The following ATP2C2 variants were observed in gnomAD, a reference collection of about 807,000 sequenced individuals.
ATP2C2 encodes ATPase secretory pathway Ca2+ transporting 2, also known as calcium-transporting ATPase type 2C member 2.
ATP2C2 carries 171 observed loss-of-function variants against 110.8 expected under a neutral mutation model. That is an observed-to-expected ratio of 1.54 (90% CI 1.36 to 1.75). ATP2C2 has a LOEUF of 1.75. Ranked by LOEUF, ATP2C2 falls within the 40% of genes most tolerant of loss-of-function variation. ATP2C2 has a pLI of 0.00. For synonymous variants in ATP2C2, 804 were observed against 508.4 expected (o/e 1.58, Z -7.82); for missense variants, 1,963 against 1,235.0 (o/e 1.59, Z -8.84).
intron 3 of ATP2C2, among the ~76,000 whole-genome samples, chr16:84,406,381 T>G (rs1433090436): frequency 6.6e-6 from 1 of 152,214 alleles, no homozygotes. Flanking sequence ...TAGATCCCCT[T>G]TTCCAGCCTT....
At chr16:84,446,288 T>C in intron 15 of ATP2C2, 41 bp from the exon 16 acceptor site, 1 of 1,271,026 alleles carries the variant, frequency 7.9e-7, no homozygotes, top group Non-Finnish European at 1.1e-6. Context: ...AGAGATTGGC[T>C]TCGGATGACT....
chr16:84,417,882 C>A (rs1437446210), intron 7 of ATP2C2, among the ~76,000 whole-genome samples: 1 of 152,220 alleles, frequency 6.6e-6, no homozygotes, highest in Non-Finnish European at 1.5e-5. Context: ...AGCTATTAAG[C>A]TCTGAGATCC....
At chr16:84,406,705 G>C (rs4782958) in intron 3 of ATP2C2, 489,655 of 950,824 alleles carry the variant, frequency 0.51, 129,281 homozygotes, top group South Asian at 0.61. Context: ...GGGCTGAGAA[G>C]AGGCAGTGGA....
At chr16:84,410,444 C>T (rs1341237458) in intron 4 of ATP2C2, 124 bp from the exon 5 acceptor site, 1 of 1,141,588 alleles carries the variant, frequency 8.8e-7, no homozygotes, top group Non-Finnish European at 1.3e-6. Flanking sequence ...AATTTCTGTA[C>T]TGTGCACATG....
chr16:84,442,323 G>C (rs1025044357), intron 14 of ATP2C2, among the ~76,000 whole-genome samples, 187 bp from the exon 15 acceptor site: 4 of 152,106 alleles, frequency 2.6e-5, no homozygotes, highest in African/African-American at 7.2e-5. Context: ...TAACTTTATG[G>C]GAACCAACAT....
chr16:84,391,113 C>CAAAAAAA (rs567509863), intron 1 of ATP2C2, among the ~76,000 whole-genome samples: 21 of 73,238 alleles, frequency 2.9e-4, no homozygotes, highest in African/African-American at 5.9e-4. Context: ...GACTCAGACT[C>CAAAAAAA]AAAAAAAAAA....
chr16:84,385,437 C>G (rs1422073332), intron 1 of ATP2C2, among the ~76,000 whole-genome samples: 1 of 152,192 alleles, frequency 6.6e-6, no homozygotes, highest in Non-Finnish European at 1.5e-5. Context: ...GGGGTGAACA[C>G]AGATCCAAAC....
intron 1 of ATP2C2, among the ~76,000 whole-genome samples, chr16:84,386,906 G>T (rs114816612): frequency 0.018 from 2,461 of 133,908 alleles, 41 homozygotes; most frequent in African/African-American, 0.039. Flanking sequence ...TAGGGTTTTT[G>T]TTTGTTTGTT....
At chr16:84,413,792 A>AC (rs150140157) in intron 6 of ATP2C2, among the ~76,000 whole-genome samples, 3,786 of 151,942 alleles carry the variant, frequency 0.025, 58 homozygotes, top group Middle Eastern at 0.068. Flanking sequence ...GCTGTGCGGG[A>AC]CCCCCTCCCT....
At chr16:84,450,682 G>A (rs1910176292) in intron 17 of ATP2C2, among the ~76,000 whole-genome samples, 1 of 152,146 alleles carries the variant, frequency 6.6e-6, no homozygotes, top group Admixed American at 6.5e-5. Context: ...GAGGGGGCAA[G>A]GATGTTCTTA....
At chr16:84,420,189 T>A (rs547755656) in intron 7 of ATP2C2, among the ~76,000 whole-genome samples, 5 of 152,254 alleles carry the variant, frequency 3.3e-5, no homozygotes, top group African/African-American at 1.2e-4. Context: ...TACACCCTGG[T>A]GTTGGATCCA....
At chr16:84,392,288 TATC>T (rs1166863093) in intron 1 of ATP2C2, among the ~76,000 whole-genome samples, 1 of 152,140 alleles carries the variant, frequency 6.6e-6, no homozygotes. Context: ...CAATTACCAT[TATC>T]ATATCATAAA....
In ATP2C2 at chr16:84,463,641, C is replaced by T; in HGVS notation, c.2750C>T (p.Ser917Leu). 6.2e-7 allele frequency: 1 copy of T among 1,614,208 alleles called. No homozygotes were observed. Among genetic ancestry groups the T allele is most frequent in the Non-Finnish European group, 8.5e-7 (1 of 1,180,016 alleles). ...TTGCTGTTTTTAACTGGATTGGCCT[C>T]ATCCGTCTTCATTTTGTCAGAGCTC... The part of the protein sequence containing the change: ...LDLLFLTGLA[S>L]SVFILSELLK... The change falls in exon 27 of 27, where the codon TCA (serine) becomes TTA (leucine). Residue 917 changes from serine (S) to leucine (L), a missense_variant. Ser to Leu is a moderately radical substitution (Grantham distance 145, BLOSUM62 -2). Transcript: ENST00000262429.
At chr16:84,460,617 G>T (rs1366953128) in intron 23 of ATP2C2, 37 bp from the exon 24 acceptor site, 11 of 1,613,990 alleles carry the variant, frequency 6.8e-6, no homozygotes, top group Non-Finnish European at 9.3e-6. Flanking sequence ...TTTCATTCCT[G>T]GTTCATTTCA....
intron 7 of ATP2C2, among the ~76,000 whole-genome samples, chr16:84,419,700 T>G (rs563159137): frequency 6.6e-6 from 1 of 152,158 alleles, no homozygotes; most frequent in South Asian, 2.1e-4. Flanking sequence ...ATTCAACAAG[T>G]GTTTCCTGAG....
At chr16:84,401,587 G>A (rs1256297980) in intron 2 of ATP2C2, among the ~76,000 whole-genome samples, 1 of 152,124 alleles carries the variant, frequency 6.6e-6, no homozygotes, top group Non-Finnish European at 1.5e-5. Context: ...TAAAGAGATT[G>A]CCCTTTCCCC....
intron 13 of ATP2C2, 55 bp downstream of exon 13, chr16:84,439,579 C>A (rs1252172208): frequency 5.3e-6 from 8 of 1,514,854 alleles, no homozygotes. Context: ...AGGCTGTCTC[C>A]TTTCTAAACT....
intron 1 of ATP2C2, among the ~76,000 whole-genome samples, chr16:84,376,381 C>T (rs1910250094): frequency 6.6e-6 from 1 of 152,172 alleles, no homozygotes; most frequent in Admixed American, 6.5e-5. Context: ...TGGTGAGTTC[C>T]ACTTGATATA....
intron 7 of ATP2C2, among the ~76,000 whole-genome samples, chr16:84,419,491 G>T (rs1292351617): frequency 1.3e-5 from 2 of 152,312 alleles, no homozygotes; most frequent in South Asian, 4.1e-4. Flanking sequence ...AGGTCCTTCA[G>T]TTAGTCACGT....
Sources: allele counts gnomAD v4.1 joint callset (sites outside exome capture counted in the v4.1 genomes callset), GRCh38; gene constraint gnomAD v4.1.1; transcripts MANE v1.5; gene names NCBI Gene and HGNC (gene_info 2026-07-23, HGNC 2026-07-21).